SDK1: variants seen among roughly 807,000 people sequenced by gnomAD.
The protein encoded by SDK1 is protein sidekick-1.
Under a neutral mutation model 245.5 loss-of-function variants are expected in SDK1, and 157 were observed. The ratio of observed to expected loss-of-function variants is 0.64; its 90% CI spans 0.56 to 0.73. The LOEUF is 0.73. Among genes scored for constraint, SDK1 ranks in the 30% least tolerant of loss-of-function variants. SDK1 has a pLI of 0.00. For missense variants in SDK1, 3,583 were observed against 3,002.3 expected, an observed-to-expected ratio of 1.19 and a Z score of -4.52; for synonymous variants, 1,647 against 1,278.5, an observed-to-expected ratio of 1.29 and a Z score of -6.15.
intron 1 of SDK1, among the ~76,000 whole-genome samples, chr7:3,596,078 C>T (rs1280059259): frequency 1.3e-5 from 2 of 151,696 alleles, no homozygotes; most frequent in African/African-American, 4.8e-5. Flanking sequence ...TTAGGTAGCA[C>T]AGATTAATTA....
At chr7:3,550,696 A>G (rs1779373561) in intron 1 of SDK1, among the ~76,000 whole-genome samples, 1 of 152,250 alleles carries the variant, frequency 6.6e-6, no homozygotes, top group African/African-American at 2.4e-5. Flanking sequence ...TCATTAAAAT[A>G]TAAAGTAAAA....
At chr7:3,500,932 C>G (rs931960963) in intron 1 of SDK1, among the ~76,000 whole-genome samples, 2 of 151,844 alleles carry the variant, frequency 1.3e-5, no homozygotes, top group African/African-American at 2.4e-5. Context: ...TTGCAGCATC[C>G]TATTCTTATT....
chr7:3,430,481 C>T (rs1161115081), intron 1 of SDK1, among the ~76,000 whole-genome samples: 2 of 152,152 alleles, frequency 1.3e-5, no homozygotes, highest in East Asian at 3.8e-4. Flanking sequence ...TCTACTTTTA[C>T]CTCTGTGACC....
intron 1 of SDK1, among the ~76,000 whole-genome samples, chr7:3,384,424 A>C (rs944164382): frequency 6.6e-6 from 1 of 152,206 alleles, no homozygotes; most frequent in African/African-American, 2.4e-5. Context: ...GGTTCAATAA[A>C]CTTGGGAAAG....
At chr7:3,885,708 T>G (rs944707327) in intron 5 of SDK1, among the ~76,000 whole-genome samples, 1 of 152,216 alleles carries the variant, frequency 6.6e-6, no homozygotes, top group Non-Finnish European at 1.5e-5. Context: ...AATTGTTTAG[T>G]TAATTCCTGG....
In SDK1 at chr7:4,172,825, C is replaced by T. The variant is rs185164179; in HGVS notation, c.4801-1397C>T. Among the ~76,000 whole-genome samples the T allele has an allele frequency of 9.6e-4, 146 of 152,308 alleles. 1 individual carries two copies. The highest frequency in any genetic ancestry group is 1.9e-3 in the Non-Finnish European group (127 of 68,034). On this transcript the variant is annotated intron_variant, in intron 32 of 44. Transcript: ENST00000404826. ...CTCCAGTCTCTGTCCCTGTCTTCAT[C>T]GGGTGTTCCCCCTGTGTGTCCTGTG... is the stretch of plus-strand genomic sequence containing the variant.
At chr7:3,524,707 A>G (rs1783062052) in intron 1 of SDK1, among the ~76,000 whole-genome samples, 1 of 152,216 alleles carries the variant, frequency 6.6e-6, no homozygotes, top group African/African-American at 2.4e-5. Context: ...GCTCACCTTT[A>G]GACATGTTCA....
intron 1 of SDK1, among the ~76,000 whole-genome samples, chr7:3,607,049 C>T (rs994317037): frequency 2.0e-5 from 3 of 151,698 alleles, no homozygotes; most frequent in East Asian, 1.9e-4. Flanking sequence ...CCAAGATGCA[C>T]CTTCAACTTC....
intron 1 of SDK1, among the ~76,000 whole-genome samples, chr7:3,600,334 T>C (rs1781214233): frequency 6.6e-6 from 1 of 152,164 alleles, no homozygotes; most frequent in Admixed American, 6.5e-5. Flanking sequence ...TTAGCTTCTT[T>C]GGGATTTCCT....
intron 12 of SDK1, among the ~76,000 whole-genome samples, chr7:3,973,512 CA>C (rs1046247398): frequency 3.9e-5 from 6 of 151,996 alleles, no homozygotes; most frequent in Non-Finnish European, 7.4e-5. Flanking sequence ...GAAATAAATG[CA>C]ATTTTAAGGA....
chr7:3,368,441 T>C lies in SDK1; in HGVS notation c.298+66557T>C, dbSNP rs568657284. Among the ~76,000 whole-genome samples, 3 of 152,342 alleles carry C rather than the reference T, an allele frequency of 2.0e-5. No homozygotes were observed. The East Asian group carries it at 5.8e-4, about 29-fold the overall frequency. ...AAATCCCATATCTCTTACTATGGTATTTCCATCCAATTTTCATGGTTTTGA... is the reference window on the plus strand; with the variant it reads ...AAATCCCATATCTCTTACTATGGTACTTCCATCCAATTTTCATGGTTTTGA... On this transcript the variant is annotated intron_variant, in intron 1 of 44. Coordinates refer to ENST00000404826, the MANE Select transcript of SDK1 (RefSeq NM_152744.4).
chr7:3,333,901 C>G (rs1780132869), intron 1 of SDK1, among the ~76,000 whole-genome samples: 1 of 152,186 alleles, frequency 6.6e-6, no homozygotes, highest in South Asian at 2.1e-4. Context: ...CCAGGGTGGC[C>G]AGCATCCTAG....
At chr7:3,586,649 G>C (rs991099940) in intron 1 of SDK1, among the ~76,000 whole-genome samples, 5 of 149,680 alleles carry the variant, frequency 3.3e-5, no homozygotes, top group African/African-American at 1.2e-4. Flanking sequence ...AGGTTGCAGT[G>C]AGCTGAGATC....
At chr7:4,080,597 C>T (rs942217621) in intron 22 of SDK1, among the ~76,000 whole-genome samples, 12 of 152,046 alleles carry the variant, frequency 7.9e-5, no homozygotes, top group Admixed American at 5.2e-4. Context: ...ATCCTGAAGG[C>T]GCAAACCATC....
At chr7:3,654,021 A>G (rs1783085006) in intron 4 of SDK1, among the ~76,000 whole-genome samples, 1 of 152,158 alleles carries the variant, frequency 6.6e-6, no homozygotes, top group Non-Finnish European at 1.5e-5. Context: ...GTGTTCAGGT[A>G]AAAAACGTTC....
intron 5 of SDK1, among the ~76,000 whole-genome samples, chr7:3,874,270 A>G (rs1190645480): frequency 2.0e-5 from 3 of 152,206 alleles, no homozygotes; most frequent in African/African-American, 7.2e-5. Context: ...TTGTCTCCGT[A>G]TCTGCTCCCC....
At chr7:3,771,799 T>C (rs1449679216) in intron 4 of SDK1, among the ~76,000 whole-genome samples, 1 of 152,210 alleles carries the variant, frequency 6.6e-6, no homozygotes, top group East Asian at 1.9e-4. Context: ...GAATGTATAC[T>C]TCACTGCCAT....
rs372364252 is a variant in SDK1 at position 4,017,166 on chromosome 7, C to T, written c.2421-5C>T. The T allele has an allele frequency of 5.7e-5, 92 of 1,602,962 alleles. No individual in the cohort carries two copies. The highest frequency in any genetic ancestry group is 6.8e-5 in the Non-Finnish European group (80 of 1,174,360). Reference sequence around the variant, plus strand: ...TTATCGTGATGGGCTTCCTTCGTGGCGCAGGTACCGCCTGGCTGGCCTTCC... The same window carrying T: ...TTATCGTGATGGGCTTCCTTCGTGGTGCAGGTACCGCCTGGCTGGCCTTCC... On this transcript the variant is annotated splice_polypyrimidine_tract_variant and splice_region_variant and intron_variant, in intron 16 of 44. Coordinates refer to ENST00000404826, the MANE Select transcript of SDK1 (RefSeq NM_152744.4).
chr7:3,802,198 T>A (rs1779124414), intron 4 of SDK1, among the ~76,000 whole-genome samples: 1 of 152,106 alleles, frequency 6.6e-6, no homozygotes, highest in Non-Finnish European at 1.5e-5. Context: ...TTTGTCATTT[T>A]ACTACATGTG....
Sources: allele counts gnomAD v4.1 joint callset (sites outside exome capture counted in the v4.1 genomes callset), GRCh38; gene constraint gnomAD v4.1.1; transcripts MANE v1.5; gene names NCBI Gene and HGNC (gene_info 2026-07-23, HGNC 2026-07-21).